CADM1: variants seen among roughly 807,000 people sequenced by gnomAD.
The protein encoded by CADM1 is cell adhesion molecule 1.
In CADM1, 15 loss-of-function variants were observed where a neutral mutation model predicts 53.1. That is an observed-to-expected ratio of 0.28 (90% CI 0.19 to 0.44). The LOEUF (loss-of-function observed/expected upper bound fraction) is 0.44. Ranked by LOEUF, CADM1 falls within the 20% of genes least tolerant of loss-of-function variation. The pLI is 1.00. For missense variants in CADM1, 434 were observed against 611.3 expected, an observed-to-expected ratio of 0.71 and a Z score of 3.06; for synonymous variants, 281 against 243.0, an observed-to-expected ratio of 1.16 and a Z score of -1.45.
chr11:115,433,977 C>T (rs1242980592), intron 1 of CADM1, among the ~76,000 whole-genome samples: 1 of 152,172 alleles, frequency 6.6e-6, no homozygotes, highest in Non-Finnish European at 1.5e-5. Context: ...AACCTGCCAG[C>T]ACTTCAAATA....
chr11:115,310,032 T>C (rs145062496), intron 1 of CADM1, among the ~76,000 whole-genome samples: 1 of 152,072 alleles, frequency 6.6e-6, no homozygotes, highest in Non-Finnish European at 1.5e-5. Context: ...CTTTGGCAAA[T>C]GTACTATTCA....
At chr11:115,271,368 T>C (rs1943293293) in intron 1 of CADM1, among the ~76,000 whole-genome samples, 1 of 152,132 alleles carries the variant, frequency 6.6e-6, no homozygotes, top group South Asian at 2.1e-4. Flanking sequence ...CTGCAAGCTC[T>C]GCCTCCCGGG....
rs1013424036 is a variant in CADM1, at chr11:115,209,564, G to A, written c.1078+10C>T. ...TCAGGACATTTTCAATGGTAATGAA[G>A]ATACCATACCTGTGATGATGGTAAG... On this transcript the variant is annotated intron_variant, in intron 8 of 11. Coordinates refer to ENST00000331581, the MANE Select transcript of CADM1 (RefSeq NM_001301043.2). 2 of 1,419,310 alleles carry A rather than the reference G, an allele frequency of 1.4e-6. No individual in the cohort carries two copies. The highest frequency in any genetic ancestry group is 1.8e-5 in the Admixed American group (1 of 54,510). The allele number at this position is 1,419,310 out of a possible 1,614,324, so 87.9% of individuals were successfully genotyped here. A position where few individuals can be genotyped will look rare whatever the true frequency, so the allele number is the denominator to read the frequency against.
At chr11:115,350,548 T>G (rs1945705652) in intron 1 of CADM1, among the ~76,000 whole-genome samples, 1 of 149,256 alleles carries the variant, frequency 6.7e-6, no homozygotes, top group Middle Eastern at 3.5e-3. Context: ...CATATTTAGG[T>G]CATATATATT....
intron 1 of CADM1, among the ~76,000 whole-genome samples, chr11:115,491,419 GC>G (rs1289195526): frequency 4.6e-5 from 7 of 152,016 alleles, no homozygotes; most frequent in Non-Finnish European, 1.0e-4. Flanking sequence ...CAAAAAATTA[GC>G]CTGGCAAGGT....
Position 115,225,491 on chromosome 11 carries a change from T to C in CADM1, c.721+3622A>G, listed in dbSNP as rs188938834. Among the ~76,000 whole-genome samples the C allele has an allele frequency of 2.6e-5, 4 of 152,328 alleles. No individual in the cohort carries two copies. In the East Asian group the frequency reaches 7.7e-4, roughly 29 times the overall value. On this transcript the variant is annotated intron_variant, in intron 5 of 11. Transcript: ENST00000331581. ...AAAAACTTAAGGATTATTAAAAGTA[T>C]GACAGCATACACATCTGGCTGATTT... is the stretch of plus-strand genomic sequence containing the variant.
chr11:115,382,494 T>TC (rs901969230), intron 1 of CADM1, among the ~76,000 whole-genome samples: 1 of 152,052 alleles, frequency 6.6e-6, no homozygotes, highest in African/African-American at 2.4e-5. Flanking sequence ...GTGCTAAAAG[T>TC]CCCTCTCTTC....
At chr11:115,492,412 G>C (rs1323937615) in intron 1 of CADM1, among the ~76,000 whole-genome samples, 1 of 152,158 alleles carries the variant, frequency 6.6e-6, no homozygotes, top group African/African-American at 2.4e-5. Context: ...ACGTTAATGA[G>C]TTATATGTTC....
chr11:115,266,125 AC>A (rs1943127748), intron 1 of CADM1, among the ~76,000 whole-genome samples: 1 of 152,072 alleles, frequency 6.6e-6, no homozygotes, highest in Admixed American at 6.6e-5. Context: ...AGGCAGCCTT[AC>A]CCGCCAGCAT....
At chr11:115,390,127 C>A (rs1946797951) in intron 1 of CADM1, among the ~76,000 whole-genome samples, 1 of 152,124 alleles carries the variant, frequency 6.6e-6, no homozygotes. Flanking sequence ...CCTCCCATCC[C>A]ACCTCCCCCC....
At chr11:115,279,008 T>C (rs7130530) in intron 1 of CADM1, among the ~76,000 whole-genome samples, 27,608 of 152,048 alleles carry the variant, frequency 0.18, 2,707 homozygotes, top group South Asian at 0.34. Context: ...GGATGGTGTG[T>C]AGGACTACAT....
chr11:115,494,782 TA>T lies in CADM1; in HGVS notation c.124+9488del, dbSNP rs146963161. On this transcript the variant is annotated intron_variant, in intron 1 of 11. Transcript: ENST00000331581. ...TGATTGATAAATAGAGATAGGTAAA[TA>T]GGCAGAAAACACTTCCTACTTAAGA... Among the ~76,000 whole-genome samples, 599 of 152,286 alleles carry T rather than the reference TA, an allele frequency of 3.9e-3. 4 individuals carry two copies. The highest frequency in any genetic ancestry group is 0.014 in the African/African-American group (581 of 41,562).
intron 7 of CADM1, among the ~76,000 whole-genome samples, chr11:115,212,706 G>A (rs1188544433): frequency 1.3e-5 from 2 of 152,212 alleles, no homozygotes; most frequent in Non-Finnish European, 2.9e-5. Context: ...GTGGACTTTA[G>A]AGCCAAAGTA....
chr11:115,359,605 T>A (rs1036612365), intron 1 of CADM1, among the ~76,000 whole-genome samples: 1 of 152,224 alleles, frequency 6.6e-6, no homozygotes. Context: ...ATATGTCTTA[T>A]ATTCAGCACC....
At chr11:115,428,467 A>AT (rs371402965) in intron 1 of CADM1, among the ~76,000 whole-genome samples, 2,513 of 151,750 alleles carry the variant, frequency 0.017, 65 homozygotes, top group Non-Finnish European at 0.019. Context: ...CATCTGGTGA[A>AT]TTTTTTTTTA....
chr11:115,384,870 A>G (rs952660554), intron 1 of CADM1, among the ~76,000 whole-genome samples: 1 of 152,186 alleles, frequency 6.6e-6, no homozygotes, highest in Non-Finnish European at 1.5e-5. Context: ...CCCTTTACCC[A>G]ATCCTTGTTC....
intron 1 of CADM1, among the ~76,000 whole-genome samples, chr11:115,341,601 TTAATC>T (rs1945449245): frequency 6.6e-6 from 1 of 152,174 alleles, no homozygotes; most frequent in Non-Finnish European, 1.5e-5. Flanking sequence ...AGATAAAACA[TTAATC>T]TAACTGTTGA....
intron 1 of CADM1, among the ~76,000 whole-genome samples, chr11:115,468,089 G>C (rs1407865094): frequency 6.6e-6 from 1 of 152,154 alleles, no homozygotes; most frequent in Non-Finnish European, 1.5e-5. Context: ...TCTGTATCTG[G>C]TATCTACAAG....
chr11:115,299,266 G>T (rs1173337030), intron 1 of CADM1, among the ~76,000 whole-genome samples: 1 of 152,088 alleles, frequency 6.6e-6, no homozygotes, highest in Non-Finnish European at 1.5e-5. Flanking sequence ...TAATACAGCT[G>T]AACATGGCAT....
Sources: allele counts gnomAD v4.1 joint callset (sites outside exome capture counted in the v4.1 genomes callset), GRCh38; gene constraint gnomAD v4.1.1; transcripts MANE v1.5; gene names NCBI Gene and HGNC (gene_info 2026-07-23, HGNC 2026-07-21).